Variants in VPS35L observed in about 807,000 individuals in gnomAD.
VPS35L encodes the protein VPS35 endosomal protein-sorting factor-like.
Under a neutral mutation model 133.0 loss-of-function variants are expected in VPS35L, and 83 were observed. That is an observed-to-expected ratio of 0.62 (90% confidence interval 0.52 to 0.75). The LOEUF (loss-of-function observed/expected upper bound fraction) is 0.75, where lower values mean the gene tolerates loss of function less well. VPS35L is among the 30% of genes least tolerant of loss of function. The probability of loss-of-function intolerance (pLI) is 0.00; values close to 1 mark genes in which losing one functional copy is unlikely to be tolerated. For synonymous variants in VPS35L, 423 were observed against 449.9 expected (o/e 0.94, Z 0.76); for missense variants, 1,083 against 1,206.8 (o/e 0.90, Z 1.52).
intron 1 of VPS35L, among the ~76,000 whole-genome samples, chr16:19,564,298 C>T (rs1016855056): frequency 1.3e-5 from 2 of 151,840 alleles, no homozygotes; most frequent in African/African-American, 2.4e-5. Context: ...AGGATGATCT[C>T]GATCTCCTGA....
At chr16:19,610,296 T>C (rs756817210) in intron 11 of VPS35L, 26 bp from the exon 12 acceptor site, 1 of 1,590,850 alleles carries the variant, frequency 6.3e-7, no homozygotes. Flanking sequence ...TCGAATATAA[T>C]GCTGGCCTGT....
chr16:19,594,386 A>G (rs1001885772), intron 8 of VPS35L, among the ~76,000 whole-genome samples: 4 of 152,158 alleles, frequency 2.6e-5, no homozygotes, highest in Middle Eastern at 3.2e-3. Context: ...GCTCACGCCT[A>G]TAATCCTACC....
chr16:19,590,336 T>C (rs922212379), intron 7 of VPS35L, among the ~76,000 whole-genome samples: 3 of 152,184 alleles, frequency 2.0e-5, no homozygotes, highest in Admixed American at 6.5e-5. Context: ...CACCATTCTC[T>C]GCATATTGGA....
rs115530389 is a variant in VPS35L at position 19,654,264 on chromosome 16, C to A, written c.2221+2174C>A. 4.1e-3 allele frequency among the ~76,000 whole-genome samples: 627 copies of A among 152,220 alleles called. 7 individuals are homozygous for A. Among genetic ancestry groups the A allele is most frequent in the African/African-American group, 0.015 (610 of 41,518 alleles). On this transcript the variant is annotated intron_variant, in intron 26 of 30. Transcript: ENST00000417362. ...ACCCCTGCAGCATCAACCTCATTATCATTGTTGCACACTCCACAATCCGAT... is the reference window on the plus strand; with the variant it reads ...ACCCCTGCAGCATCAACCTCATTATAATTGTTGCACACTCCACAATCCGAT...
intron 17 of VPS35L, among the ~76,000 whole-genome samples, 173 bp downstream of exon 17, chr16:19,628,926 G>A (rs952775462): frequency 1.3e-5 from 2 of 152,088 alleles, no homozygotes; most frequent in African/African-American, 4.8e-5. Context: ...CGAGTAGCTG[G>A]GATTACAGGT....
At position 19,694,148 on chromosome 16, in the gene VPS35L, G is replaced by C. The variant is rs1028732387; in HGVS notation, c.2646+2677G>C. 3 of 148,918 alleles carry C rather than the reference G, an allele frequency of 2.0e-5. No individual in the cohort carries two copies. In the South Asian group the frequency reaches 6.7e-4, roughly 33 times the overall value. The allele number at this position is 148,918 out of a possible 1,614,324, so 9.2% of individuals were successfully genotyped here. A position where few individuals can be genotyped will look rare whatever the true frequency, so the allele number is the denominator to read the frequency against. On this transcript the variant is annotated intron_variant, in intron 29 of 30. Coordinates refer to ENST00000417362, the MANE Select transcript of VPS35L (RefSeq NM_020314.7). The stretch of plus-strand genomic sequence containing the variant: ...AGGCGACAGACACCCCAAATACCCT[G>C]GCACAATCATTGTAATTCTAGGCAT...
rs143649089 is a variant in VPS35L at position 19,573,125 on chromosome 16, T to A, written c.292T>A (p.Ser98Thr). ...PAALAAAMDS[S>T]RRKRDRDDNS... ...TTATCTTGCCTTTCTTTAGGACAGC[T>A]CCAGAAGGAAACGTGATAGAGATGA... is the stretch of plus-strand genomic sequence containing the variant. The change falls in exon 4 of 31, where the codon TCC becomes ACC. Residue 98 changes from serine (S) to threonine (T), a missense_variant. Physicochemically the swap from Ser to Thr is moderately conservative, Grantham distance 58 (BLOSUM62 1). Transcript: ENST00000417362. The A allele has an allele frequency of 1.9e-6, 3 of 1,613,430 alleles. No individual in the cohort carries two copies. In the Admixed American group the frequency reaches 5.0e-5, roughly 27 times the overall value.
chr16:19,607,618 C>T (rs1236817244), intron 9 of VPS35L, among the ~76,000 whole-genome samples: 1 of 152,208 alleles, frequency 6.6e-6, no homozygotes, highest in Non-Finnish European at 1.5e-5. Context: ...TTTCTCACCT[C>T]AGAGGCCTTG....
chr16:19,627,218 G>A (rs1342685162), intron 15 of VPS35L, among the ~76,000 whole-genome samples: 2 of 151,724 alleles, frequency 1.3e-5, no homozygotes, highest in African/African-American at 4.8e-5. Context: ...GGGAGGTGGA[G>A]GTTGCAGTGA....
Position 19,700,489 on chromosome 16 carries a change from T to C in VPS35L, c.*13T>C. ...AACAAGGACCTGACCCCCGGGCCCA[T>C]CCCCAGGCTCAGGGACTCTGGTGCC... On this transcript the variant is annotated 3_prime_UTR_variant, in exon 31 of 31. Transcript: ENST00000417362. The C allele has an allele frequency of 6.2e-7, 1 of 1,607,938 alleles. No individual in the cohort carries two copies. Among genetic ancestry groups the C allele is most frequent in the Non-Finnish European group, 8.5e-7 (1 of 1,174,306 alleles).
intron 24 of VPS35L, among the ~76,000 whole-genome samples, chr16:19,648,504 A>G (rs1974024172): frequency 6.6e-6 from 1 of 152,178 alleles, no homozygotes; most frequent in Non-Finnish European, 1.5e-5. Context: ...TTCTTGGATC[A>G]TGGCAACTCT....
intron 1 of VPS35L, 113 bp from the exon 2 acceptor site, chr16:19,564,738 G>T: frequency 1.4e-6 from 1 of 712,624 alleles, no homozygotes; most frequent in Admixed American, 3.0e-5. Context: ...TTTAACTTTG[G>T]TGGGAATATT....
At chr16:19,642,007 C>T (rs1162676454) in intron 21 of VPS35L, among the ~76,000 whole-genome samples, 1 of 152,038 alleles carries the variant, frequency 6.6e-6, no homozygotes, top group East Asian at 1.9e-4. Flanking sequence ...GCCAGGAGTT[C>T]GAGAGCAGCC....
At chr16:19,611,092 T>G (rs1972704278) in intron 12 of VPS35L, among the ~76,000 whole-genome samples, 1 of 152,118 alleles carries the variant, frequency 6.6e-6, no homozygotes, top group African/African-American at 2.4e-5. Context: ...CTCCACCGCC[T>G]GGGTTCAAAT....
intron 2 of VPS35L, among the ~76,000 whole-genome samples, chr16:19,567,826 G>C (rs1046567438): frequency 3.3e-5 from 5 of 152,004 alleles, no homozygotes; most frequent in Admixed American, 3.3e-4. Context: ...AAAACAATTA[G>C]CAAAGTGTGA....
intron 14 of VPS35L, among the ~76,000 whole-genome samples, chr16:19,618,336 C>T (rs1356252607): frequency 6.6e-6 from 1 of 152,106 alleles, no homozygotes; most frequent in Non-Finnish European, 1.5e-5. Context: ...AGTGCATAAA[C>T]ATTATAAACA....
At chr16:19,674,093 C>T (rs549502725) in intron 27 of VPS35L, among the ~76,000 whole-genome samples, 5 of 151,738 alleles carry the variant, frequency 3.3e-5, no homozygotes, top group African/African-American at 4.8e-5. Flanking sequence ...TGATGGGATG[C>T]GCCACACCTG....
intron 23 of VPS35L, among the ~76,000 whole-genome samples, chr16:19,645,977 G>T (rs192470930): frequency 0.016 from 2,469 of 151,140 alleles, 62 homozygotes; most frequent in African/African-American, 0.056. Flanking sequence ...TGTTTTTTTT[G>T]GGGGGGTCGA....
At chr16:19,555,815 C>T in intron 1 of VPS35L, 69 bp downstream of exon 1, 1 of 1,515,316 alleles carries the variant, frequency 6.6e-7, no homozygotes, top group Admixed American at 2.2e-5. Context: ...CGGCCTGGGT[C>T]TGAGAGTGTG....
Sources: allele counts gnomAD v4.1 joint callset (sites outside exome capture counted in the v4.1 genomes callset), GRCh38; gene constraint gnomAD v4.1.1; transcripts MANE v1.5; gene names NCBI Gene and HGNC (gene_info 2026-07-23, HGNC 2026-07-21).